The following NRG1 variants were observed in gnomAD, a reference collection of about 807,000 sequenced individuals.
The protein encoded by NRG1 is neuregulin 1.
Under a neutral mutation model 63.8 loss-of-function variants are expected in NRG1, and 18 were observed. The observed-to-expected ratio is 0.28, with a 90% CI of 0.19 to 0.42. The LOEUF is 0.42. NRG1 is among the 10% of genes least tolerant of loss of function. The probability of loss-of-function intolerance (pLI) is 1.00; values close to 1 mark genes in which losing one functional copy is unlikely to be tolerated. For synonymous variants in NRG1, 302 were observed against 301.3 expected, an observed-to-expected ratio of 1.00 and a Z score of -0.02; for missense variants, 762 against 814.7, an observed-to-expected ratio of 0.94 and a Z score of 0.79.
chr8:32,745,142 T>G (rs1201840060), intron 7 of NRG1, among the ~76,000 whole-genome samples: 1 of 152,058 alleles, frequency 6.6e-6, no homozygotes, highest in Non-Finnish European at 1.5e-5. Context: ...TACATAGAAG[T>G]CAGAAAAATA....
At chr8:31,682,377 T>C (rs1199938802) in intron 1 of NRG1, among the ~76,000 whole-genome samples, 1 of 152,162 alleles carries the variant, frequency 6.6e-6, no homozygotes, top group African/African-American at 2.4e-5. Flanking sequence ...AGAATCATTG[T>C]TATTAATTGG....
chr8:32,162,767 T>G (rs1308069250), intron 1 of NRG1, among the ~76,000 whole-genome samples: 1 of 152,242 alleles, frequency 6.6e-6, no homozygotes, highest in African/African-American at 2.4e-5. Flanking sequence ...TATCTACTGC[T>G]GTTTTCTTGT....
intron 1 of NRG1, among the ~76,000 whole-genome samples, chr8:32,402,005 G>T (rs1326166604): frequency 6.6e-6 from 1 of 152,082 alleles, no homozygotes; most frequent in African/African-American, 2.4e-5. Flanking sequence ...CTGCCTCCTT[G>T]GTTCAAGCAA....
In NRG1 at chr8:31,777,383, T is replaced by G. The variant is rs185264090; in HGVS notation, c.37+137952T>G. ...GCTGTTGTTGGACCCAATGTAGAGA[T>G]GAGGAAACACTGAGGACCAGAGAGT... On this transcript the variant is annotated intron_variant, in intron 1 of 10. Transcript: ENST00000519301. Among the ~76,000 whole-genome samples the G allele has an allele frequency of 4.3e-4, 65 of 152,340 alleles. No individual in the cohort carries two copies. In the Middle Eastern group the frequency reaches 0.024, roughly 56 times the overall value.
chr8:32,408,486 T>C (rs1024878558), intron 1 of NRG1, among the ~76,000 whole-genome samples: 2 of 152,126 alleles, frequency 1.3e-5, no homozygotes, highest in African/African-American at 4.8e-5. Context: ...TCTAGTTATT[T>C]GGGGAAGGAA....
rs143445310 is a variant in NRG1, at chr8:32,610,263, C to T, written c.401-4251C>T. Among the ~76,000 whole-genome samples the T allele has an allele frequency of 6.9e-3, 1,052 of 152,144 alleles. 12 individuals are homozygous for T. Among genetic ancestry groups the T allele is most frequent in the African/African-American group, 0.024 (982 of 41,514 alleles). On this transcript the variant is annotated intron_variant, in intron 3 of 11. Transcript: ENST00000356819. ...CCTATGCAGAGGATTCCTTGTGATT[C>T]ACTTAAATTCTCACACAGTTACTTT...
At chr8:32,477,146 C>T (rs971181615) in intron 1 of NRG1, among the ~76,000 whole-genome samples, 6 of 152,160 alleles carry the variant, frequency 3.9e-5, no homozygotes, top group African/African-American at 1.4e-4. Context: ...GTCTGATCGT[C>T]TCACTGGGAC....
At chr8:32,205,359 C>T (rs1242953275) in intron 1 of NRG1, among the ~76,000 whole-genome samples, 2 of 152,102 alleles carry the variant, frequency 1.3e-5, no homozygotes, top group East Asian at 1.9e-4. Flanking sequence ...ATTCTCTGAA[C>T]GTGTGTTACT....
chr8:32,313,920 T>C (rs1157539433), intron 1 of NRG1, among the ~76,000 whole-genome samples: 2 of 152,176 alleles, frequency 1.3e-5, no homozygotes. Flanking sequence ...AATTTTTGTA[T>C]TTTAAATAAA....
intron 5 of NRG1, among the ~76,000 whole-genome samples, chr8:32,677,277 A>AT (rs1807380484): frequency 6.6e-6 from 1 of 152,214 alleles, no homozygotes; most frequent in Non-Finnish European, 1.5e-5. Flanking sequence ...TAATTTTAGG[A>AT]AATTGGACAA....
Position 31,822,353 on chromosome 8 carries a change from T to C in NRG1, c.37+182922T>C, listed in dbSNP as rs1367387893. 3.9e-5 allele frequency among the ~76,000 whole-genome samples: 6 copies of C among 152,252 alleles called. No homozygotes were observed. The South Asian group carries it at 1.0e-3, about 26-fold the overall frequency. Reference sequence around the variant, plus strand: ...TTTCTATAACCAACCAGTTTCATTTTGATGAGAGTGTTTGGAGAGATGGTT... The same window carrying C: ...TTTCTATAACCAACCAGTTTCATTTCGATGAGAGTGTTTGGAGAGATGGTT... On this transcript the variant is annotated intron_variant, in intron 1 of 10. Transcript: ENST00000519301.
chr8:32,675,784 C>A (rs1806932692), intron 5 of NRG1, among the ~76,000 whole-genome samples: 1 of 152,090 alleles, frequency 6.6e-6, no homozygotes, highest in Non-Finnish European at 1.5e-5. Context: ...TATAAGGCAG[C>A]TTTTAATCAT....
intron 1 of NRG1, among the ~76,000 whole-genome samples, chr8:32,555,648 T>A (rs1835008325): frequency 6.6e-6 from 1 of 152,164 alleles, no homozygotes; most frequent in South Asian, 2.1e-4. Context: ...ATTTTTTGTA[T>A]TTCTAGTAGA....
At chr8:32,134,585 C>G (rs1835267980) in intron 1 of NRG1, among the ~76,000 whole-genome samples, 1 of 152,104 alleles carries the variant, frequency 6.6e-6, no homozygotes, top group Non-Finnish European at 1.5e-5. Flanking sequence ...ATGCCAAGTA[C>G]TATTTAAATG....
intron 1 of NRG1, among the ~76,000 whole-genome samples, chr8:31,705,454 C>T (rs572557362): frequency 1.4e-4 from 22 of 152,150 alleles, no homozygotes; most frequent in Non-Finnish European, 2.8e-4. Flanking sequence ...CACTCCTTTA[C>T]CCAATCTTGC....
At position 32,138,643 on chromosome 8, in the gene NRG1, A is replaced by C. The variant is rs117561568; in HGVS notation, c.38-457185A>C. Among the ~76,000 whole-genome samples the C allele has an allele frequency of 1.3e-3, 204 of 152,064 alleles. 4 individuals carry two copies. In the East Asian group the frequency reaches 0.039, roughly 29 times the overall value. ...AGTGGTGCAGTCTTGGCTCACTGCA[A>C]CCTCAGCTTCCCAGGTTCAAGCAAT... is the stretch of plus-strand genomic sequence containing the variant. On this transcript the variant is annotated intron_variant, in intron 1 of 10. Transcript: ENST00000519301.
chr8:32,620,638 C>T (rs777560708), intron 5 of NRG1, among the ~76,000 whole-genome samples: 18 of 151,168 alleles, frequency 1.2e-4, no homozygotes, highest in South Asian at 2.1e-4. Flanking sequence ...GTCTGGGCAA[C>T]ACATTGAGAC....
intron 5 of NRG1, among the ~76,000 whole-genome samples, chr8:32,645,221 C>T (rs938231456): frequency 1.3e-5 from 2 of 152,088 alleles, no homozygotes; most frequent in Non-Finnish European, 2.9e-5. Flanking sequence ...TTTTCTACAC[C>T]GTGAAATTGT....
intron 6 of NRG1, among the ~76,000 whole-genome samples, chr8:32,741,315 C>G (rs1443487737): frequency 6.6e-6 from 1 of 152,016 alleles, no homozygotes; most frequent in Non-Finnish European, 1.5e-5. Context: ...TTAAGTAATT[C>G]TGCATAAGAA....
Sources: allele counts gnomAD v4.1 joint callset (sites outside exome capture counted in the v4.1 genomes callset), GRCh38; gene constraint gnomAD v4.1.1; transcripts MANE v1.5; gene names NCBI Gene and HGNC (gene_info 2026-07-23, HGNC 2026-07-21).